The following DTNA variants were observed in gnomAD, a reference collection of about 807,000 sequenced individuals.
The protein encoded by DTNA is dystrophin-related protein 3.
DTNA carries 43 observed loss-of-function variants against 100.7 expected under a neutral mutation model. That is an observed-to-expected ratio of 0.43 (90% CI 0.33 to 0.55). The LOEUF (loss-of-function observed/expected upper bound fraction) is 0.55, where lower values mean the gene tolerates loss of function less well. DTNA is among the 20% of genes least tolerant of loss of function. DTNA has a pLI of 0.04. For missense variants in DTNA, 798 were observed against 953.9 expected (o/e 0.84, Z 2.15); for synonymous variants, 349 against 347.9 (o/e 1.00, Z -0.04).
chr18:34,534,852 A>G (rs887037305), intron 1 of DTNA, among the ~76,000 whole-genome samples: 8 of 152,134 alleles, frequency 5.3e-5, no homozygotes, highest in African/African-American at 1.4e-4. Flanking sequence ...ATAGTATTCC[A>G]TGGTATATAT....
intron 17 of DTNA, among the ~76,000 whole-genome samples, chr18:34,870,005 G>A (rs933030106): frequency 3.3e-5 from 5 of 152,164 alleles, no homozygotes; most frequent in African/African-American, 1.2e-4. Flanking sequence ...TGGGCAACAC[G>A]ACACAGCGAG....
intron 1 of DTNA, among the ~76,000 whole-genome samples, chr18:34,753,336 G>GATTGATTTATTTATTTATTT (rs2092473542): frequency 1.5e-5 from 2 of 135,456 alleles, no homozygotes; most frequent in Non-Finnish European, 3.1e-5. Flanking sequence ...CATCCTTTGT[G>GATTGATTTATTTATTTATTT]ATTTATTTAT....
intron 1 of DTNA, among the ~76,000 whole-genome samples, chr18:34,537,936 TAAC>T (rs1479173515): frequency 3.3e-5 from 5 of 151,868 alleles, no homozygotes; most frequent in Admixed American, 1.3e-4. Context: ...AGAGGGAAAA[TAAC>T]AAAGTTTTCA....
chr18:34,803,893 A>G lies in DTNA; in HGVS notation c.363-2326A>G, dbSNP rs549654589. Among the ~76,000 whole-genome samples the G allele has an allele frequency of 5.3e-5, 8 of 152,300 alleles. No homozygotes were observed. The South Asian group carries it at 1.7e-3, about 32-fold the overall frequency. On this transcript the variant is annotated intron_variant, in intron 4 of 22. Transcript: ENST00000444659. ...TATAATGATTACTAATCATTTCTTA[A>G]TATAAGAAATGTATTAGTCACTAAC...
chr18:34,785,155 C>T (rs1394951199), intron 3 of DTNA, among the ~76,000 whole-genome samples: 6 of 152,042 alleles, frequency 3.9e-5, no homozygotes, highest in South Asian at 2.1e-4. Context: ...CCTCATGATC[C>T]GCCCTCCTCA....
chr18:34,598,699 T>G (rs2051146092), intron 1 of DTNA, among the ~76,000 whole-genome samples: 1 of 151,934 alleles, frequency 6.6e-6, no homozygotes, highest in African/African-American at 2.4e-5. Flanking sequence ...CCATCTCTAC[T>G]AAAAATACAA....
At chr18:34,839,365 C>A (rs1164052047) in intron 13 of DTNA, among the ~76,000 whole-genome samples, 1 of 152,170 alleles carries the variant, frequency 6.6e-6, no homozygotes, top group African/African-American at 2.4e-5. Flanking sequence ...TGATGACCAT[C>A]CTGCTAAAGC....
chr18:34,642,479 G>A (rs2059381753), intron 1 of DTNA, among the ~76,000 whole-genome samples: 1 of 150,948 alleles, frequency 6.6e-6, no homozygotes, highest in Admixed American at 6.6e-5. Flanking sequence ...CTTCAGGCTG[G>A]GTTGCTTTCC....
At chr18:34,802,935 AC>A (rs528132557) in intron 4 of DTNA, among the ~76,000 whole-genome samples, 1 of 152,114 alleles carries the variant, frequency 6.6e-6, no homozygotes, top group Non-Finnish European at 1.5e-5. Context: ...AAAATTGGAC[AC>A]CCTCCTCTTC....
At chr18:34,568,215 A>G (rs1598631533) in intron 1 of DTNA, among the ~76,000 whole-genome samples, 1 of 152,130 alleles carries the variant, frequency 6.6e-6, no homozygotes, top group African/African-American at 2.4e-5. Context: ...AAGTCAAGCC[A>G]TTTTATTCTG....
At chr18:34,768,961 C>G (rs555915183) in intron 3 of DTNA, among the ~76,000 whole-genome samples, 1 of 152,220 alleles carries the variant, frequency 6.6e-6, no homozygotes, top group Admixed American at 6.5e-5. Context: ...GGGTGAGGGT[C>G]ACTGGTAGGA....
intron 17 of DTNA, among the ~76,000 whole-genome samples, chr18:34,874,646 T>C (rs2096797481): frequency 6.6e-6 from 1 of 152,206 alleles, no homozygotes; most frequent in African/African-American, 2.4e-5. Context: ...TTCTTCTTCT[T>C]CTTCTTCCCC....
intron 5 of DTNA, among the ~76,000 whole-genome samples, chr18:34,810,134 T>C (rs1279666126): frequency 6.6e-6 from 1 of 152,230 alleles, no homozygotes; most frequent in African/African-American, 2.4e-5. Context: ...TGGTATGTCA[T>C]GTGCTGTTCT....
chr18:34,618,893 G>A (rs117009663), intron 1 of DTNA, among the ~76,000 whole-genome samples: 7,278 of 152,214 alleles, frequency 0.048, 202 homozygotes, highest in South Asian at 0.072. Flanking sequence ...AGCTCAAAGA[G>A]TGTAGGGGAA....
At chr18:34,690,527 C>A (rs557724556) in intron 1 of DTNA, among the ~76,000 whole-genome samples, 3 of 152,322 alleles carry the variant, frequency 2.0e-5, no homozygotes, top group African/African-American at 7.2e-5. Context: ...AGAAATCACC[C>A]ACCTGTTGCG....
chr18:34,548,484 T>G (rs1232875823), intron 1 of DTNA, among the ~76,000 whole-genome samples: 1 of 152,162 alleles, frequency 6.6e-6, no homozygotes, highest in Non-Finnish European at 1.5e-5. Context: ...TAACATTTTA[T>G]AAGGCATTTT....
chr18:34,635,380 C>T (rs1246372922), intron 1 of DTNA, among the ~76,000 whole-genome samples: 1 of 151,994 alleles, frequency 6.6e-6, no homozygotes, highest in Non-Finnish European at 1.5e-5. Flanking sequence ...GAATAAATAC[C>T]CACTAGTGGG....
chr18:34,658,645 A>G (rs1599712126), intron 1 of DTNA, among the ~76,000 whole-genome samples: 1 of 152,178 alleles, frequency 6.6e-6, no homozygotes, highest in Non-Finnish European at 1.5e-5. Flanking sequence ...GAGCCACTGA[A>G]TGTGGCCTTT....
chr18:34,721,335 G>A (rs1353430581), intron 1 of DTNA, among the ~76,000 whole-genome samples: 1 of 152,252 alleles, frequency 6.6e-6, no homozygotes, highest in Admixed American at 6.5e-5. Flanking sequence ...ATACTTTCAA[G>A]GTAGTTTATG....
Sources: gnomAD v4.1 joint callset for allele counts (sites outside exome capture counted in the v4.1 genomes callset) on GRCh38, gnomAD v4.1.1 for gene constraint, MANE v1.5 for transcripts, NCBI Gene and HGNC (gene_info 2026-07-23, HGNC 2026-07-21) for gene names.